The following HSD17B2 variants were observed in gnomAD, a reference collection of about 807,000 sequenced individuals.
The protein encoded by HSD17B2 is hydroxysteroid 17-beta dehydrogenase 2, also known as 17-beta-hydroxysteroid dehydrogenase type 2.
In HSD17B2, 32 loss-of-function variants were observed where a neutral mutation model predicts 26.9. The ratio of observed to expected loss-of-function variants is 1.19; its 90% CI spans 0.90 to 1.60. HSD17B2 has a LOEUF of 1.60. Among genes scored for constraint, HSD17B2 ranks in the 40% most tolerant of loss-of-function variants. The pLI is 0.00. For synonymous variants in HSD17B2, 246 were observed against 186.7 expected (o/e 1.32, Z -2.59); for missense variants, 613 against 468.6 (o/e 1.31, Z -2.85).
chr16:82,068,336 G>T lies in HSD17B2; in HGVS notation c.432G>T (p.Gln144His). ...AAATGGACATCACGAAGCCAGTGCAGATAAAAGATGCTTACAGCAAGGTTG... is the reference window on the plus strand; with the variant it reads ...AAATGGACATCACGAAGCCAGTGCATATAAAAGATGCTTACAGCAAGGTTG... ...VLQMDITKPV[Q>H]IKDAYSKVAA... The change falls in exon 2 of 5, where the codon CAG becomes CAT. Residue 144 changes from glutamine to histidine, a missense_variant. Transcript: ENST00000199936. The T allele has an allele frequency of 6.2e-7, 1 of 1,613,856 alleles. No individual in the cohort carries two copies. The highest frequency in any genetic ancestry group is 8.5e-7 in the Non-Finnish European group (1 of 1,179,974).
intron 1 of HSD17B2, among the ~76,000 whole-genome samples, chr16:82,042,408 A>G (rs896238178): frequency 6.6e-6 from 1 of 152,152 alleles, no homozygotes; most frequent in African/African-American, 2.4e-5. Context: ...CTCAGTGTCT[A>G]AAACTTGGTG....
At chr16:82,085,717 A>C (rs1201113297) in intron 3 of HSD17B2, among the ~76,000 whole-genome samples, 1 of 152,074 alleles carries the variant, frequency 6.6e-6, no homozygotes, top group African/African-American at 2.4e-5. Flanking sequence ...GCAGAATCTG[A>C]CTGGGTTGGT....
intron 1 of HSD17B2, among the ~76,000 whole-genome samples, chr16:82,063,769 T>C (rs777147715): frequency 3.3e-5 from 5 of 151,954 alleles, no homozygotes; most frequent in Non-Finnish European, 5.9e-5. Flanking sequence ...ATCAGGAAGG[T>C]CTGTAAAGAG....
chr16:82,061,489 G>A (rs764615218), intron 1 of HSD17B2, among the ~76,000 whole-genome samples: 4 of 152,158 alleles, frequency 2.6e-5, no homozygotes, highest in African/African-American at 4.8e-5. Flanking sequence ...TTTGAACCCA[G>A]GTCTCCCAGC....
intron 3 of HSD17B2, among the ~76,000 whole-genome samples, chr16:82,072,331 C>G (rs1393589563): frequency 1.3e-5 from 2 of 152,130 alleles, no homozygotes; most frequent in Non-Finnish European, 2.9e-5. Context: ...TTCCTGCTAC[C>G]TTGCCAAAGC....
At chr16:82,049,857 T>C (rs1914052498) in intron 1 of HSD17B2, among the ~76,000 whole-genome samples, 1 of 152,200 alleles carries the variant, frequency 6.6e-6, no homozygotes, top group African/African-American at 2.4e-5. Context: ...CTCAGCCCCA[T>C]AGTGGGGCTG....
At chr16:82,077,248 A>G (rs907081920) in intron 3 of HSD17B2, among the ~76,000 whole-genome samples, 2 of 152,228 alleles carry the variant, frequency 1.3e-5, no homozygotes, top group African/African-American at 4.8e-5. Flanking sequence ...GAGGAATCAC[A>G]TTACCTGACT....
intron 3 of HSD17B2, among the ~76,000 whole-genome samples, chr16:82,074,455 G>T (rs1027963052): frequency 1.3e-5 from 2 of 152,156 alleles, no homozygotes; most frequent in African/African-American, 4.8e-5. Flanking sequence ...TACTCAACAG[G>T]GCCGGGAGTT....
At chr16:82,065,958 G>A (rs934696698) in intron 1 of HSD17B2, among the ~76,000 whole-genome samples, 4 of 152,190 alleles carry the variant, frequency 2.6e-5, no homozygotes, top group Non-Finnish European at 5.9e-5. Flanking sequence ...ATTCCAGGGA[G>A]AGCACACACA....
chr16:82,098,010 AG>A, intron 4 of HSD17B2, 64 bp from the exon 5 acceptor site: 3 of 1,519,752 alleles, frequency 2.0e-6, no homozygotes, highest in Non-Finnish European at 1.8e-6. Flanking sequence ...AACAGAGACA[AG>A]CGCCTGCTCC....
At chr16:82,075,906 G>GT (rs1555532857) in intron 3 of HSD17B2, among the ~76,000 whole-genome samples, 1 of 33,890 alleles carries the variant, frequency 3.0e-5, no homozygotes, top group African/African-American at 8.3e-5. Context: ...GAAAATACAT[G>GT]TTAAAAAAAA....
intron 3 of HSD17B2, among the ~76,000 whole-genome samples, chr16:82,082,237 C>A (rs932932024): frequency 6.6e-6 from 1 of 152,054 alleles, no homozygotes; most frequent in Admixed American, 6.6e-5. Flanking sequence ...ATTTCCACAC[C>A]TTCTCCTGAC....
intron 1 of HSD17B2, among the ~76,000 whole-genome samples, chr16:82,039,607 C>T (rs772002310): frequency 4.6e-4 from 70 of 152,166 alleles, no homozygotes; most frequent in Non-Finnish European, 8.7e-4. Context: ...CCTACTTTTC[C>T]TTCATCTTGG....
At position 82,035,400 on chromosome 16, in the gene HSD17B2, T is replaced by C. The variant is rs764678853; in HGVS notation, c.-25T>C. 1 of 1,600,610 alleles carries C rather than the reference T, an allele frequency of 6.2e-7. No homozygotes were observed. Among genetic ancestry groups the C allele is most frequent in the East Asian group, 2.2e-5 (1 of 44,646 alleles). On this transcript the variant is annotated 5_prime_UTR_variant, in exon 1 of 5. Transcript: ENST00000199936. ...CGCTAGACTCACTGGCCCTGAGCAC[T>C]TGAAGGTGCAGCAAGTCACTGAGAA... is the stretch of plus-strand genomic sequence containing the variant.
intron 1 of HSD17B2, chr16:82,044,364 T>C (rs1051379063): frequency 6.6e-6 from 1 of 152,254 alleles, no homozygotes; most frequent in African/African-American, 2.4e-5. Context: ...TCCTGATAGA[T>C]GCATTGGAGC....
rs369179244 is a variant in HSD17B2 at position 82,035,499 on chromosome 16, C to T, written c.75C>T (p.Cys25=). Residue 25 remains cysteine (C), a synonymous_variant, in exon 1 of 5, where the codon TGC becomes TGT. Transcript: ENST00000199936. ...VPTVLCGTVF[C]KYKKSSGQLW... ...CAGTACTATGTGGGACAGTATTTTGCAAATACAAGAAGAGCTCAGGGCAGC... is the reference window on the plus strand; with the variant it reads ...CAGTACTATGTGGGACAGTATTTTGTAAATACAAGAAGAGCTCAGGGCAGC... The T allele has an allele frequency of 6.8e-6, 11 of 1,613,942 alleles. No individual in the cohort carries two copies. The highest frequency in any genetic ancestry group is 9.3e-6 in the Non-Finnish European group (11 of 1,179,994).
rs397771391 is a variant in HSD17B2, at chr16:82,039,272, C to CACAT, written c.265+3583_265+3584insACAT. Among the ~76,000 whole-genome samples the CACAT allele has an allele frequency of 2.7e-3, 411 of 151,370 alleles. 1 individual carries two copies. Among genetic ancestry groups the CACAT allele is most frequent in the African/African-American group, 9.7e-3 (400 of 41,196 alleles). ...ATACACACACACACACACACACACA[C>CACAT]GCACAAACACACACACACCCCTGCA... On this transcript the variant is annotated intron_variant, in intron 1 of 4. Transcript: ENST00000199936.
chr16:82,048,588 G>A (rs1005141909), intron 1 of HSD17B2, among the ~76,000 whole-genome samples: 2 of 152,186 alleles, frequency 1.3e-5, no homozygotes, highest in African/African-American at 4.8e-5. Flanking sequence ...AGACCCAGAA[G>A]GAAGGACTTG....
chr16:82,045,239 G>A (rs1180162699), intron 1 of HSD17B2, among the ~76,000 whole-genome samples: 1 of 151,826 alleles, frequency 6.6e-6, no homozygotes, highest in East Asian at 1.9e-4. Flanking sequence ...AGGGAGGTTT[G>A]ACTGTGAACT....
Sources: gnomAD v4.1 joint callset for allele counts (sites outside exome capture counted in the v4.1 genomes callset) on GRCh38, gnomAD v4.1.1 for gene constraint, MANE v1.5 for transcripts, NCBI Gene and HGNC (gene_info 2026-07-23, HGNC 2026-07-21) for gene names.